The following KCNK10 variants were observed in gnomAD, a reference collection of about 807,000 sequenced individuals.
KCNK10 encodes potassium channel subfamily K member 10.
KCNK10 carries 25 observed loss-of-function variants against 47.7 expected under a neutral mutation model. The ratio of observed to expected loss-of-function variants is 0.52; its 90% CI spans 0.38 to 0.73. The LOEUF (loss-of-function observed/expected upper bound fraction) is 0.73. KCNK10 is among the 30% of genes least tolerant of loss of function. The pLI, the probability that KCNK10 is intolerant of heterozygous loss-of-function variation, is 0.00. For synonymous variants in KCNK10, 303 were observed against 285.6 expected (o/e 1.06, Z -0.61); for missense variants, 563 against 714.5 (o/e 0.79, Z 2.42).
rs780510535 is a variant in KCNK10 at position 88,192,330 on chromosome 14, C to G, written c.762G>C (p.Thr254=). Residue 254 remains threonine, a synonymous_variant, in exon 5 of 7, where the codon ACG becomes ACC. Coordinates refer to ENST00000319231, the MANE Select transcript of KCNK10 (RefSeq NM_138317.3). ...TGTACTTAAAGATGACAGCAGGGAT[C>G]GTCACAAACACAATGCAGCCGGCCA... The part of the protein sequence containing the change: ...FILAGCIVFV[T]IPAVIFKYIE... The G allele has an allele frequency of 1.2e-6, 2 of 1,613,996 alleles. No individual in the cohort carries two copies. The highest frequency in any genetic ancestry group is 1.7e-6 in the Non-Finnish European group (2 of 1,180,008).
chr14:88,185,629 A>T lies in KCNK10; in HGVS notation c.1538T>A (p.Ile513Asn). ...NSSTAMLTDC[I>N]QQHAELENGM... is the part of the protein sequence containing the mutation. Reference sequence around the variant, plus strand: ...GTTCTCCAACTCAGCGTGCTGCTGGATACAGTCCGTCAGCATGGCTGTGCT... The same window carrying T: ...GTTCTCCAACTCAGCGTGCTGCTGGTTACAGTCCGTCAGCATGGCTGTGCT... Residue 513 changes from isoleucine (I) to asparagine (N), a missense_variant, in exon 7 of 7, where the codon ATC becomes AAC. Coordinates refer to ENST00000319231, the MANE Select transcript of KCNK10 (RefSeq NM_138317.3). The surrounding 1 kb of genome is among the most constrained non-coding windows in gnomAD (Gnocchi z 4.3). 6.2e-7 allele frequency: 1 copy of T among 1,614,152 alleles called. No individual in the cohort carries two copies. Among genetic ancestry groups the T allele is most frequent in the Non-Finnish European group, 8.5e-7 (1 of 1,180,034 alleles).
chr14:88,215,189 C>G (rs1361569092), intron 4 of KCNK10, among the ~76,000 whole-genome samples: 2 of 152,202 alleles, frequency 1.3e-5, no homozygotes, highest in Non-Finnish European at 2.9e-5. Flanking sequence ...ATTAGCGACT[C>G]TATTAGTCCA....
At chr14:88,296,454 C>G (rs1346542186) in intron 1 of KCNK10, among the ~76,000 whole-genome samples, 2 of 152,094 alleles carry the variant, frequency 1.3e-5, no homozygotes, top group African/African-American at 4.8e-5. Context: ...GCTGCTATCA[C>G]TGTAACCTGG....
At position 88,185,501 on chromosome 14, in the gene KCNK10, A is replaced by ACT. The variant is rs751008961; in HGVS notation, c.*33_*34insAG. ...ATTAAAAACACACACACACACACAC[A>ACT]CAACGCTCAGTCCAAGACCAATGTC... On this transcript the variant is annotated 3_prime_UTR_variant, in exon 7 of 7. Coordinates refer to ENST00000319231, the MANE Select transcript of KCNK10 (RefSeq NM_138317.3). This position sits in a 1 kb window ranked among gnomAD's most constrained non-coding sequence, Gnocchi z 4.3. 13 of 1,590,614 alleles carry ACT rather than the reference A, an allele frequency of 8.2e-6. No individual in the cohort carries two copies. In the South Asian group the frequency reaches 1.5e-4, roughly 18 times the overall value.
At chr14:88,318,624 A>G (rs974806593) in intron 1 of KCNK10, among the ~76,000 whole-genome samples, 2 of 152,228 alleles carry the variant, frequency 1.3e-5, no homozygotes, top group Non-Finnish European at 2.9e-5. Flanking sequence ...GGGAATTCCA[A>G]GCGCAAAGGC....
chr14:88,323,429 C>T (rs1888596265), upstream of KCNK10, among the ~76,000 whole-genome samples: 2 of 149,088 alleles, frequency 1.3e-5, no homozygotes, highest in Non-Finnish European at 1.5e-5. Context: ...GGGCGACCCT[C>T]CCCGCGGCGC....
intron 1 of KCNK10, among the ~76,000 whole-genome samples, chr14:88,301,480 C>T (rs779134708): frequency 3.3e-5 from 5 of 151,202 alleles, no homozygotes; most frequent in Admixed American, 3.3e-4. Context: ...AACTTTTTTT[C>T]AAAGAGTTAG....
intron 1 of KCNK10, among the ~76,000 whole-genome samples, chr14:88,308,392 G>A (rs1888244656): frequency 6.6e-6 from 1 of 152,170 alleles, no homozygotes; most frequent in African/African-American, 2.4e-5. Flanking sequence ...ACTGGCATCC[G>A]TGGTTCTCTG....
intron 1 of KCNK10, among the ~76,000 whole-genome samples, chr14:88,280,409 T>C (rs952238022): frequency 1.3e-5 from 2 of 152,160 alleles, no homozygotes; most frequent in Admixed American, 6.5e-5. Context: ...GCACCCCTTT[T>C]GTTCTATATC....
At chr14:88,227,979 T>C (rs1566693347) in intron 3 of KCNK10, among the ~76,000 whole-genome samples, 3 of 152,246 alleles carry the variant, frequency 2.0e-5, no homozygotes, top group East Asian at 3.9e-4. Context: ...TGAAGGGTAA[T>C]GGGTACCCCA....
intron 4 of KCNK10, among the ~76,000 whole-genome samples, chr14:88,220,188 C>T (rs866066152): frequency 3.3e-5 from 5 of 151,786 alleles, no homozygotes; most frequent in South Asian, 2.1e-4. Context: ...GAGGCCGAGG[C>T]GGGCGGATCA....
intron 2 of KCNK10, among the ~76,000 whole-genome samples, chr14:88,243,730 A>C (rs1198484986): frequency 6.6e-6 from 1 of 152,100 alleles, no homozygotes; most frequent in Non-Finnish European, 1.5e-5. Context: ...GGGAAGGATC[A>C]GAGAAAAGGG....
intron 4 of KCNK10, among the ~76,000 whole-genome samples, chr14:88,221,265 G>A (rs1885800634): frequency 6.6e-6 from 1 of 150,554 alleles, no homozygotes; most frequent in African/African-American, 2.5e-5. Flanking sequence ...TCATACCACT[G>A]CACTCCAGCC....
At chr14:88,252,339 A>G (rs936523000) in intron 2 of KCNK10, among the ~76,000 whole-genome samples, 2 of 152,160 alleles carry the variant, frequency 1.3e-5, no homozygotes, top group Non-Finnish European at 2.9e-5. Flanking sequence ...TCTTTTATTC[A>G]CCATTACATC....
chr14:88,223,599 A>T (rs1168580397), intron 4 of KCNK10, among the ~76,000 whole-genome samples: 1 of 150,494 alleles, frequency 6.6e-6, no homozygotes, highest in African/African-American at 2.4e-5. Flanking sequence ...AGATTCTCAG[A>T]CTCCCTCCCT....
At chr14:88,192,107 C>T in intron 5 of KCNK10, 117 bp downstream of exon 5, 1 of 929,008 alleles carries the variant, frequency 1.1e-6, no homozygotes, top group Non-Finnish European at 1.6e-6. Flanking sequence ...GCAGTAGTGA[C>T]ACTGAGTCAT....
chr14:88,322,408 GACACACACAC>G lies in KCNK10; in HGVS notation c.52+329_52+338del, dbSNP rs35179933. ...GAGACAAAGATCACCAGAAACAAAG[GACACACACAC>G]ACACACACACACACACACACACTCG... is the stretch of plus-strand genomic sequence containing the variant. On this transcript the variant is annotated intron_variant, in intron 1 of 6. Transcript: ENST00000319231. This position sits in a 1 kb window ranked among gnomAD's most constrained non-coding sequence, Gnocchi z 4.8. 3.5e-4 allele frequency among the ~76,000 whole-genome samples: 53 copies of G among 150,140 alleles called. 1 individual carries two copies. Among genetic ancestry groups the G allele is most frequent in the Middle Eastern group, 3.5e-3 (1 of 288 alleles).
At chr14:88,225,806 A>G (rs2139870303) in intron 4 of KCNK10, among the ~76,000 whole-genome samples, 1 of 152,346 alleles carries the variant, frequency 6.6e-6, no homozygotes, top group Non-Finnish European at 1.5e-5. Context: ...GGGTGCTTCC[A>G]AGAAGTTCAA....
At chr14:88,231,368 C>G (rs894062754) in intron 3 of KCNK10, among the ~76,000 whole-genome samples, 2 of 152,130 alleles carry the variant, frequency 1.3e-5, no homozygotes, top group African/African-American at 2.4e-5. Context: ...TAGGGACAAC[C>G]CTTAAATGAG....
Sources: gnomAD v4.1 joint callset for allele counts (sites outside exome capture counted in the v4.1 genomes callset) on GRCh38, gnomAD v4.1.1 for gene constraint, Gnocchi (gnomAD v3.1) non-coding constraint, MANE v1.5 for transcripts, NCBI Gene and HGNC (gene_info 2026-07-23, HGNC 2026-07-21) for gene names.